AGBL1: variants seen among roughly 807,000 people sequenced by gnomAD.
AGBL1 encodes the protein AGBL carboxypeptidase 1.
A neutral mutation model predicts 118.9 loss-of-function variants in AGBL1; 130 were observed. The ratio of observed to expected loss-of-function variants is 1.09; its 90% confidence interval spans 0.95 to 1.26. AGBL1 has a LOEUF of 1.26. Ranked by LOEUF, AGBL1 falls within the 50% of genes most tolerant of loss-of-function variation. AGBL1 has a pLI of 0.00. For missense variants in AGBL1, 1,584 were observed against 1,298.1 expected (o/e 1.22, Z -3.38); for synonymous variants, 555 against 478.9 (o/e 1.16, Z -2.08).
intron 17 of AGBL1, among the ~76,000 whole-genome samples, chr15:86,381,759 G>A (rs2081115943): frequency 6.6e-6 from 1 of 152,146 alleles, no homozygotes. Flanking sequence ...CCTGCAGAAG[G>A]AGGGGCCTGT....
chr15:86,135,436 G>T (rs1251186985), intron 1 of AGBL1, among the ~76,000 whole-genome samples: 1 of 152,162 alleles, frequency 6.6e-6, no homozygotes, highest in South Asian at 2.1e-4. Context: ...ACACATAGTT[G>T]GCACTCTGTA....
At chr15:86,819,176 G>A (rs924449979) in intron 22 of AGBL1, among the ~76,000 whole-genome samples, 1 of 152,072 alleles carries the variant, frequency 6.6e-6, no homozygotes, top group Non-Finnish European at 1.5e-5. Flanking sequence ...GTATTTGTTT[G>A]TATGAAAAGG....
intron 18 of AGBL1, among the ~76,000 whole-genome samples, chr15:86,427,516 G>T (rs1488696748): frequency 6.8e-6 from 1 of 147,688 alleles, no homozygotes; most frequent in Admixed American, 6.8e-5. Context: ...GAGACCCACA[G>T]TTCATGATAA....
At chr15:86,230,297 A>G (rs1007294453) in intron 6 of AGBL1, among the ~76,000 whole-genome samples, 3 of 152,222 alleles carry the variant, frequency 2.0e-5, no homozygotes, top group Admixed American at 1.3e-4. Context: ...TGATGGCCAA[A>G]TGGCTGCTCT....
At chr15:86,862,531 C>T (rs973546303) in intron 22 of AGBL1, among the ~76,000 whole-genome samples, 1 of 152,056 alleles carries the variant, frequency 6.6e-6, no homozygotes. Flanking sequence ...ACCAGCCTGG[C>T]CAACATGGTG....
chr15:86,150,171 A>G (rs556432504), intron 3 of AGBL1, among the ~76,000 whole-genome samples: 1 of 152,372 alleles, frequency 6.6e-6, no homozygotes, highest in East Asian at 1.9e-4. Flanking sequence ...CACAAGAGAT[A>G]GCAGGAAAGA....
rs571044644 is a variant in AGBL1, at chr15:86,401,363, C to A, written c.2555+3817C>A. On this transcript the variant is annotated intron_variant, in intron 18 of 22. Transcript: ENST00000614907. ...GATTTTAGATATTAGTCCTTCGTTG[C>A]ATGCATAGTTTGCAAAGATTTTTCT... Among the ~76,000 whole-genome samples the A allele has an allele frequency of 1.2e-4, 18 of 152,140 alleles. No individual in the cohort carries two copies. The South Asian group carries it at 3.7e-3, about 32-fold the overall frequency.
intron 22 of AGBL1, among the ~76,000 whole-genome samples, chr15:86,679,181 G>A (rs1281537447): frequency 6.6e-6 from 1 of 152,004 alleles, no homozygotes; most frequent in Non-Finnish European, 1.5e-5. Flanking sequence ...TTGAGTGCTC[G>A]TCTATGTTAC....
intron 24 of AGBL1, among the ~76,000 whole-genome samples, chr15:87,026,688 CAT>C (rs199954872): frequency 0.037 from 5,684 of 152,126 alleles, 347 homozygotes; most frequent in African/African-American, 0.13. Flanking sequence ...CTTGCACACA[CAT>C]GTTTATAGCA....
At chr15:86,790,389 C>G (rs1246809275) in intron 22 of AGBL1, among the ~76,000 whole-genome samples, 1 of 152,004 alleles carries the variant, frequency 6.6e-6, no homozygotes, top group Non-Finnish European at 1.5e-5. Flanking sequence ...CGCACACACA[C>G]ACACACAGTC....
At chr15:86,398,151 C>T (rs2081394954) in intron 18 of AGBL1, among the ~76,000 whole-genome samples, 1 of 152,178 alleles carries the variant, frequency 6.6e-6, no homozygotes, top group African/African-American at 2.4e-5. Context: ...TGAGGTTGTT[C>T]TTCTCTTTAC....
At chr15:86,563,534 A>G (rs1240369812) in intron 21 of AGBL1, among the ~76,000 whole-genome samples, 2 of 150,226 alleles carry the variant, frequency 1.3e-5, no homozygotes, top group Non-Finnish European at 3.0e-5. Context: ...CTGTTCTTTT[A>G]CATTTGCTGA....
At chr15:86,168,584 G>T (rs552200311) in intron 5 of AGBL1, among the ~76,000 whole-genome samples, 1 of 152,250 alleles carries the variant, frequency 6.6e-6, no homozygotes, top group South Asian at 2.1e-4. Context: ...AATAGGGAAT[G>T]CTTGGTAAAA....
At chr15:86,820,663 T>C (rs1414752404) in intron 22 of AGBL1, among the ~76,000 whole-genome samples, 2 of 152,138 alleles carry the variant, frequency 1.3e-5, no homozygotes, top group Non-Finnish European at 2.9e-5. Flanking sequence ...ATGGCGATCA[T>C]TAAAAAGTCA....
chr15:86,227,525 A>G (rs2078386229), intron 6 of AGBL1, among the ~76,000 whole-genome samples: 1 of 152,264 alleles, frequency 6.6e-6, no homozygotes, highest in Admixed American at 6.5e-5. Context: ...CGCCAGTATC[A>G]TGCCTCAGTT....
chr15:86,518,268 C>T (rs1040142372), intron 18 of AGBL1, among the ~76,000 whole-genome samples: 10 of 151,834 alleles, frequency 6.6e-5, no homozygotes, highest in Non-Finnish European at 8.8e-5. Flanking sequence ...TTAAAGCCCG[C>T]GGTTATGTTA....
At chr15:86,735,113 C>T (rs548304241) in intron 22 of AGBL1, among the ~76,000 whole-genome samples, 1 of 152,106 alleles carries the variant, frequency 6.6e-6, no homozygotes, top group Non-Finnish European at 1.5e-5. Context: ...CGGAGTTCCA[C>T]TCTTGTCACG....
intron 21 of AGBL1, among the ~76,000 whole-genome samples, chr15:86,659,423 A>G (rs2085506665): frequency 6.6e-6 from 1 of 152,166 alleles, no homozygotes; most frequent in Non-Finnish European, 1.5e-5. Flanking sequence ...GGTAAAGGTG[A>G]TACAATCTAG....
At chr15:86,438,418 CTCCTTAA>C (rs935239031) in intron 18 of AGBL1, among the ~76,000 whole-genome samples, 9 of 152,146 alleles carry the variant, frequency 5.9e-5, no homozygotes, top group African/African-American at 2.2e-4. Flanking sequence ...TCTCTCTCTA[CTCCTTAA>C]AATAACATTC....
Sources: allele counts gnomAD v4.1 joint callset (sites outside exome capture counted in the v4.1 genomes callset), GRCh38; gene constraint gnomAD v4.1.1; transcripts MANE v1.5; gene names NCBI Gene and HGNC (gene_info 2026-07-23, HGNC 2026-07-21).